DCC: variants seen among roughly 807,000 people sequenced by gnomAD.
DCC encodes netrin receptor DCC.
A neutral mutation model predicts 172.5 loss-of-function variants in DCC; 58 were observed. That is an observed-to-expected ratio of 0.34 (90% CI 0.27 to 0.42). DCC has a LOEUF of 0.42. Ranked by LOEUF, DCC falls within the 10% of genes least tolerant of loss-of-function variation. The probability of loss-of-function intolerance (pLI) is 1.00; values close to 1 mark genes in which losing one functional copy is unlikely to be tolerated. For missense variants in DCC, 1,740 were observed against 1,791.0 expected (o/e 0.97, Z 0.51); for synonymous variants, 709 against 644.5 (o/e 1.10, Z -1.52).
chr18:52,840,267 C>T (rs10853624), intron 2 of DCC, among the ~76,000 whole-genome samples: 66,458 of 152,022 alleles, frequency 0.44, 14,718 homozygotes, highest in South Asian at 0.55. Context: ...TGGACACAGT[C>T]TGCTCTGTTA....
At chr18:52,471,965 T>C (rs1988959043) in intron 1 of DCC, among the ~76,000 whole-genome samples, 1 of 152,210 alleles carries the variant, frequency 6.6e-6, no homozygotes, top group East Asian at 1.9e-4. Flanking sequence ...ATGACCTCAC[T>C]GCTTCATGAG....
At chr18:52,390,200 C>A (rs1985977323) in intron 1 of DCC, among the ~76,000 whole-genome samples, 1 of 152,124 alleles carries the variant, frequency 6.6e-6, no homozygotes, top group Non-Finnish European at 1.5e-5. Flanking sequence ...CTCCCACAAA[C>A]ATTTCTTCCA....
chr18:53,030,016 G>A (rs893610184), intron 5 of DCC, among the ~76,000 whole-genome samples: 5 of 152,146 alleles, frequency 3.3e-5, no homozygotes, highest in Non-Finnish European at 5.9e-5. Flanking sequence ...GCAGAAGAGG[G>A]ACTCTTTCTG....
chr18:52,543,806 C>G (rs77213732), intron 1 of DCC, among the ~76,000 whole-genome samples: 3,050 of 152,198 alleles, frequency 0.02, 109 homozygotes, highest in East Asian at 0.095. Flanking sequence ...CTAGCCTTGC[C>G]CATTGAGCTG....
chr18:53,174,633 T>G (rs2055062678), intron 8 of DCC, among the ~76,000 whole-genome samples: 2 of 150,366 alleles, frequency 1.3e-5, no homozygotes, highest in Admixed American at 6.7e-5. Context: ...CAGGAAGAAG[T>G]TGAATCTCTG....
chr18:52,577,599 T>C (rs2033444444), intron 1 of DCC, among the ~76,000 whole-genome samples: 1 of 152,220 alleles, frequency 6.6e-6, no homozygotes, highest in African/African-American at 2.4e-5. Flanking sequence ...AGATAAAGTC[T>C]TGACAGTTCT....
chr18:53,038,628 C>T (rs2042126538), intron 5 of DCC, among the ~76,000 whole-genome samples: 1 of 151,864 alleles, frequency 6.6e-6, no homozygotes, highest in African/African-American at 2.4e-5. Flanking sequence ...AGCTGAGACC[C>T]AGAATAGGTG....
At chr18:52,439,064 A>AAAGGT in intron 1 of DCC, among the ~76,000 whole-genome samples, 1 of 152,252 alleles carries the variant, frequency 6.6e-6, no homozygotes, top group East Asian at 1.9e-4. Flanking sequence ...TGGGAGAAAA[A>AAAGGT]AAGGTAAATT....
chr18:53,442,375 T>G (rs1314849876), intron 22 of DCC, among the ~76,000 whole-genome samples: 1 of 152,238 alleles, frequency 6.6e-6, no homozygotes, highest in Non-Finnish European at 1.5e-5. Flanking sequence ...TACGATGGTC[T>G]GTGATCAGTG....
chr18:52,874,918 G>A (rs565418452), intron 2 of DCC, among the ~76,000 whole-genome samples: 2 of 152,222 alleles, frequency 1.3e-5, no homozygotes, highest in East Asian at 1.9e-4. Flanking sequence ...GGCAGGGAAG[G>A]GTGAACAGTG....
At chr18:52,734,366 T>C (rs2036692422) in intron 1 of DCC, among the ~76,000 whole-genome samples, 1 of 152,190 alleles carries the variant, frequency 6.6e-6, no homozygotes, top group South Asian at 2.1e-4. Flanking sequence ...AATGTCATAA[T>C]TAGCCTGTCC....
At chr18:53,449,332 C>A (rs550754758) in intron 22 of DCC, among the ~76,000 whole-genome samples, 2 of 152,112 alleles carry the variant, frequency 1.3e-5, no homozygotes, top group Non-Finnish European at 2.9e-5. Flanking sequence ...AAGAAAGCTA[C>A]GTCAAGGGTC....
chr18:53,087,612 T>C (rs2144164358), intron 7 of DCC, among the ~76,000 whole-genome samples: 1 of 152,330 alleles, frequency 6.6e-6, no homozygotes, highest in African/African-American at 2.4e-5. Flanking sequence ...TTTAGTTAGA[T>C]CCCATTTGTC....
intron 1 of DCC, among the ~76,000 whole-genome samples, chr18:52,387,817 G>C (rs556660687): frequency 2.0e-4 from 31 of 152,100 alleles, no homozygotes; most frequent in African/African-American, 7.0e-4. Context: ...ACATCCAAAA[G>C]AACTCTTTTT....
Position 53,313,011 on chromosome 18 carries a change from A to AAG in DCC, c.2053+7292_2053+7293insAG, listed in dbSNP as rs1474028248. 1.8e-4 allele frequency among the ~76,000 whole-genome samples: 23 copies of AAG among 130,736 alleles called. No individual in the cohort carries two copies. In the East Asian group the frequency reaches 5.1e-3, roughly 29 times the overall value. 85.8% of individuals were successfully genotyped at this position (130,736 alleles called of 152,430 possible). ...GGAGGGAGGAGGGAGGAAGGAAGGG[A>AAG]GGAAGAAAGGAAGGGAAGAAGGAGG... On this transcript the variant is annotated intron_variant, in intron 13 of 28. Transcript: ENST00000442544.
intron 1 of DCC, among the ~76,000 whole-genome samples, chr18:52,564,537 G>C (rs1044774322): frequency 2.0e-5 from 3 of 151,778 alleles, no homozygotes; most frequent in African/African-American, 7.3e-5. Flanking sequence ...ATTTTAAATA[G>C]GTTTCTTCAA....
At chr18:53,466,768 C>T (rs758684291) in intron 24 of DCC, among the ~76,000 whole-genome samples, 5 of 152,066 alleles carry the variant, frequency 3.3e-5, no homozygotes, top group Non-Finnish European at 5.9e-5. Context: ...TCAAGTGATC[C>T]GCCCACTTTG....
intron 1 of DCC, among the ~76,000 whole-genome samples, chr18:52,680,170 C>G (rs1237699755): frequency 6.6e-6 from 1 of 152,112 alleles, no homozygotes; most frequent in African/African-American, 2.4e-5. Context: ...AGACAGCATC[C>G]TGGCCTTACC....
chr18:52,751,254 G>C (rs1477440172), intron 1 of DCC, among the ~76,000 whole-genome samples: 1 of 152,164 alleles, frequency 6.6e-6, no homozygotes, highest in Non-Finnish European at 1.5e-5. Context: ...CTCAACATGT[G>C]AGTATTCTGT....
Sources: allele counts gnomAD v4.1 joint callset (sites outside exome capture counted in the v4.1 genomes callset), GRCh38; gene constraint gnomAD v4.1.1; transcripts MANE v1.5; gene names NCBI Gene and HGNC (gene_info 2026-07-23, HGNC 2026-07-21).